Variants in HP1BP3 observed in about 807,000 individuals in gnomAD.
HP1BP3 encodes heterochromatin protein 1 binding protein 3, also known as heterochromatin protein 1-binding protein 3.
In HP1BP3, 12 loss-of-function variants were observed where a neutral mutation model predicts 62.5. The ratio of observed to expected loss-of-function variants is 0.19; its 90% CI spans 0.12 to 0.31. HP1BP3 has a LOEUF of 0.31. Among genes scored for constraint, HP1BP3 ranks in the 10% least tolerant of loss-of-function variants. HP1BP3 has a pLI of 1.00. For synonymous variants in HP1BP3, 260 were observed against 237.8 expected (o/e 1.09, Z -0.86); for missense variants, 502 against 651.8 (o/e 0.77, Z 2.50).
intron 1 of HP1BP3, among the ~76,000 whole-genome samples, chr1:20,785,374 A>G (rs758540985): frequency 6.6e-5 from 10 of 152,248 alleles, no homozygotes; most frequent in Non-Finnish European, 1.2e-4. Context: ...TATGCATTTT[A>G]GGGAAAGCAC....
chr1:20,763,311 G>C (rs1473068215), intron 8 of HP1BP3, among the ~76,000 whole-genome samples: 2 of 152,170 alleles, frequency 1.3e-5, no homozygotes, highest in South Asian at 4.1e-4. Context: ...ATCCACAATT[G>C]TGTCTGCCTA....
At chr1:20,755,499 AG>A in intron 9 of HP1BP3, 1 of 355,214 alleles carries the variant, frequency 2.8e-6, no homozygotes, top group East Asian at 7.9e-5. Flanking sequence ...TGCTTGAGCC[AG>A]GGAGGTGGAG....
rs779819452 is a variant in HP1BP3 at position 20,765,519 on chromosome 1, C to T, written c.748G>A (p.Ala250Thr). 1 of 1,611,984 alleles carries T rather than the reference C, an allele frequency of 6.2e-7. No homozygotes were observed. Among genetic ancestry groups the T allele is most frequent in the African/African-American group, 1.3e-5 (1 of 74,822 alleles). ...KSRNRKNRSS[A>T]VDPEPQVKLE... The stretch of plus-strand genomic sequence containing the variant: ...TTTACTTGTGGTTCTGGATCCACTG[C>T]AGAGCTCCTATTCTGAAAAGTAATT... Residue 250 changes from alanine (A) to threonine (T), a missense_variant, in exon 8 of 13, where the codon GCA (alanine) becomes ACA (threonine). Coordinates refer to ENST00000438032, the MANE Select transcript of HP1BP3 (RefSeq NM_001372052.1).
At chr1:20,784,887 C>T (rs150174738) in intron 1 of HP1BP3, among the ~76,000 whole-genome samples, 7 of 152,144 alleles carry the variant, frequency 4.6e-5, no homozygotes, top group African/African-American at 1.7e-4. Context: ...CTTAATGTTA[C>T]AACAATAACA....
At chr1:20,777,151 T>G (rs1485938915) in intron 3 of HP1BP3, among the ~76,000 whole-genome samples, 1 of 151,180 alleles carries the variant, frequency 6.6e-6, no homozygotes, top group Non-Finnish European at 1.5e-5. Context: ...GAAGCAAGAG[T>G]AGAAATATGA....
chr1:20,768,316 G>A (rs2056886787), intron 6 of HP1BP3, among the ~76,000 whole-genome samples: 1 of 152,054 alleles, frequency 6.6e-6, no homozygotes, highest in East Asian at 1.9e-4. Context: ...CGTGGTGGCG[G>A]GTGCCTGTAG....
At chr1:20,778,354 G>A (rs1414607917) in intron 3 of HP1BP3, among the ~76,000 whole-genome samples, 1 of 152,210 alleles carries the variant, frequency 6.6e-6, no homozygotes, top group Non-Finnish European at 1.5e-5. Flanking sequence ...ACAAAATACT[G>A]TGTACAAAAT....
intron 7 of HP1BP3, among the ~76,000 whole-genome samples, chr1:20,767,325 A>T (rs2056834772): frequency 6.6e-6 from 1 of 152,202 alleles, no homozygotes; most frequent in African/African-American, 2.4e-5. Flanking sequence ...CAAAACAAAA[A>T]ACAGTGTAAT....
At chr1:20,754,061 A>T (rs1443189290) in intron 9 of HP1BP3, among the ~76,000 whole-genome samples, 1 of 152,182 alleles carries the variant, frequency 6.6e-6, no homozygotes, top group Non-Finnish European at 1.5e-5. Context: ...AGAAACAAAG[A>T]AGTAAAATGC....
At chr1:20,778,785 C>CTT (rs869066619) in intron 3 of HP1BP3, among the ~76,000 whole-genome samples, 13 of 142,936 alleles carry the variant, frequency 9.1e-5, no homozygotes, top group Non-Finnish European at 7.7e-5. Flanking sequence ...TTCTACTCCT[C>CTT]TTTTTTTTTT....
chr1:20,750,843 A>T (rs1451123484), intron 9 of HP1BP3, among the ~76,000 whole-genome samples: 3 of 139,026 alleles, frequency 2.2e-5, no homozygotes, highest in South Asian at 2.3e-4. Flanking sequence ...TTTGAGACAG[A>T]GTCTCGCTCT....
At position 20,776,655 on chromosome 1, in the gene HP1BP3, C is replaced by G; in HGVS notation, c.292G>C (p.Gly98Arg). Residue 98 changes from glycine (G) to arginine (R), a missense_variant, in exon 4 of 13, where the codon GGG becomes CGG. By Grantham distance (125) the Gly-to-Arg change is moderately radical. Around this residue, in one of 5 missense-constraint regions of HP1BP3, gnomAD observed 165 missense variants for 156.4 expected, o/e 1.05. Transcript: ENST00000438032. ...ATSSEAEQPKGEPENEEKEEN... is the reference protein window; with the variant it reads ...ATSSEAEQPKREPENEEKEEN... ...TCCTTCTCTTCATTCTCAGGTTCCCCCTTTGGCTGCTCTGCCTCACTCGAA... is the reference window on the plus strand; with the variant it reads ...TCCTTCTCTTCATTCTCAGGTTCCCGCTTTGGCTGCTCTGCCTCACTCGAA... The G allele has an allele frequency of 1.9e-6, 3 of 1,613,930 alleles. No individual in the cohort carries two copies. The highest frequency in any genetic ancestry group is 2.5e-6 in the Non-Finnish European group (3 of 1,179,892).
intron 1 of HP1BP3, among the ~76,000 whole-genome samples, chr1:20,782,367 CG>C (rs2057593833): frequency 6.6e-6 from 1 of 151,194 alleles, no homozygotes; most frequent in Admixed American, 6.6e-5. Context: ...GAGGTTCACT[CG>C]AGCCCAGGAG....
At chr1:20,751,210 C>T (rs998837489) in intron 9 of HP1BP3, among the ~76,000 whole-genome samples, 43 of 152,070 alleles carry the variant, frequency 2.8e-4, no homozygotes, top group Admixed American at 2.7e-3. Flanking sequence ...ATACAACATA[C>T]AAAATGTGTA....
chr1:20,745,990 C>A (rs1240747084), intron 11 of HP1BP3, among the ~76,000 whole-genome samples: 1 of 151,960 alleles, frequency 6.6e-6, no homozygotes, highest in African/African-American at 2.4e-5. Context: ...GAACAGTCTG[C>A]ATGGAATACA....
chr1:20,783,380 G>A (rs1450448925), intron 1 of HP1BP3, among the ~76,000 whole-genome samples: 4 of 152,012 alleles, frequency 2.6e-5, no homozygotes, highest in Admixed American at 6.6e-5. Context: ...TTAGCCAGGC[G>A]CTGTGGTGTA....
At chr1:20,778,783 C>T (rs1038544352) in intron 3 of HP1BP3, among the ~76,000 whole-genome samples, 3 of 151,532 alleles carry the variant, frequency 2.0e-5, no homozygotes, top group Non-Finnish European at 4.4e-5. Context: ...TTTTCTACTC[C>T]TCTTTTTTTT....
chr1:20,755,576 A>G (rs923078476), intron 9 of HP1BP3, among the ~76,000 whole-genome samples: 16 of 152,260 alleles, frequency 1.1e-4, no homozygotes, highest in African/African-American at 3.9e-4. Context: ...CCCTATCTCA[A>G]AACAAAACAA....
chr1:20,785,726 ACAATC>A (rs1262970504), intron 1 of HP1BP3, among the ~76,000 whole-genome samples: 4 of 152,236 alleles, frequency 2.6e-5, no homozygotes, highest in African/African-American at 7.2e-5. Flanking sequence ...TTCCAGCCCT[ACAATC>A]TTCCAAGCAA....
Sources: allele counts gnomAD v4.1 joint callset (sites outside exome capture counted in the v4.1 genomes callset), GRCh38; gene constraint gnomAD v4.1.1; regional missense constraint gnomAD v4.1.1; transcripts MANE v1.5; gene names NCBI Gene and HGNC (gene_info 2026-07-23, HGNC 2026-07-21).